Variants in ZDHHC14 observed in about 807,000 individuals in gnomAD.
The protein encoded by ZDHHC14 is palmitoyltransferase ZDHHC14.
A neutral mutation model predicts 47.7 loss-of-function variants in ZDHHC14; 16 were observed. That is an observed-to-expected ratio of 0.34 (90% CI 0.23 to 0.51). The LOEUF (loss-of-function observed/expected upper bound fraction) is 0.51, where lower values mean the gene tolerates loss of function less well. Among genes scored for constraint, ZDHHC14 ranks in the 20% least tolerant of loss-of-function variants. The pLI is 0.97. For missense variants in ZDHHC14, 515 were observed against 662.5 expected (o/e 0.78, Z 2.44); for synonymous variants, 293 against 278.9 (o/e 1.05, Z -0.50).
intron 1 of ZDHHC14, among the ~76,000 whole-genome samples, chr6:157,429,902 A>G (rs912902181): frequency 1.3e-5 from 2 of 152,152 alleles, no homozygotes; most frequent in Non-Finnish European, 2.9e-5. Context: ...ATGATAGAGA[A>G]TCTTCAGGAG....
At chr6:157,489,311 T>C (rs1048309917) in intron 1 of ZDHHC14, among the ~76,000 whole-genome samples, 1 of 152,222 alleles carries the variant, frequency 6.6e-6, no homozygotes, top group African/African-American at 2.4e-5. Context: ...CGCAATCACT[T>C]CCTTCGTAAA....
In ZDHHC14 at chr6:157,589,711, A is replaced by T. The variant is rs180772449; in HGVS notation, c.407-3277A>T. Among the ~76,000 whole-genome samples, 745 of 152,276 alleles carry T rather than the reference A, an allele frequency of 4.9e-3. 4 individuals are homozygous for T. The highest frequency in any genetic ancestry group is 0.017 in the African/African-American group (696 of 41,558). On this transcript the variant is annotated intron_variant, in intron 2 of 8. Coordinates refer to ENST00000359775, the MANE Select transcript of ZDHHC14 (RefSeq NM_024630.3). ...TCCTTTATAAATTACCCAGTCTCAG[A>T]TATGTCCTTATAGTAGCATGAAAAT...
intron 3 of ZDHHC14, among the ~76,000 whole-genome samples, chr6:157,604,456 A>G (rs1435577767): frequency 9.2e-5 from 14 of 152,144 alleles, no homozygotes; most frequent in Admixed American, 9.2e-4. Context: ...CGGAGGGATG[A>G]CTGTGTTTAC....
intron 1 of ZDHHC14, among the ~76,000 whole-genome samples, chr6:157,413,446 C>T (rs1777910408): frequency 6.6e-6 from 1 of 152,168 alleles, no homozygotes; most frequent in African/African-American, 2.4e-5. Context: ...ACTGGTAAGA[C>T]GTCACTGCCT....
intron 1 of ZDHHC14, among the ~76,000 whole-genome samples, chr6:157,497,290 C>G (rs748058945): frequency 4.6e-5 from 7 of 152,078 alleles, no homozygotes; most frequent in Non-Finnish European, 8.8e-5. Context: ...AAAGGTGGAG[C>G]TTTGAGGGGC....
chr6:157,412,218 C>T (rs568540112), intron 1 of ZDHHC14, among the ~76,000 whole-genome samples: 32 of 150,928 alleles, frequency 2.1e-4, no homozygotes, highest in Admixed American at 1.3e-3. Flanking sequence ...GGATTACAGA[C>T]GTGAGCCACT....
chr6:157,570,594 G>A (rs554091970), intron 2 of ZDHHC14, among the ~76,000 whole-genome samples: 2 of 152,122 alleles, frequency 1.3e-5, no homozygotes, highest in African/African-American at 4.8e-5. Flanking sequence ...CATCCATGTG[G>A]AAAAAAATAG....
intron 1 of ZDHHC14, among the ~76,000 whole-genome samples, chr6:157,416,345 T>G (rs1261122290): frequency 6.6e-6 from 1 of 152,106 alleles, no homozygotes; most frequent in Non-Finnish European, 1.5e-5. Context: ...TTTGAACATT[T>G]TGAAAGTATT....
chr6:157,535,784 T>C (rs904928766), intron 1 of ZDHHC14, among the ~76,000 whole-genome samples: 1 of 152,078 alleles, frequency 6.6e-6, no homozygotes, highest in Non-Finnish European at 1.5e-5. Flanking sequence ...TATTCTGGAG[T>C]TGTGAGTGGA....
At chr6:157,447,048 C>T (rs1027755299) in intron 1 of ZDHHC14, among the ~76,000 whole-genome samples, 1 of 151,400 alleles carries the variant, frequency 6.6e-6, no homozygotes, top group African/African-American at 2.4e-5. Flanking sequence ...GAACCCGGGA[C>T]GTGGAGGTTG....
At chr6:157,588,008 A>AC (rs1188978467) in intron 2 of ZDHHC14, among the ~76,000 whole-genome samples, 2 of 152,134 alleles carry the variant, frequency 1.3e-5, no homozygotes, top group Admixed American at 1.3e-4. Context: ...TGATCCCAGC[A>AC]CTTTAGGAGG....
chr6:157,507,180 C>T (rs144683681), intron 1 of ZDHHC14, among the ~76,000 whole-genome samples: 296 of 152,184 alleles, frequency 1.9e-3, no homozygotes, highest in African/African-American at 7.0e-3. Context: ...TTTATTAAAT[C>T]CATATCCAGA....
intron 3 of ZDHHC14, among the ~76,000 whole-genome samples, chr6:157,608,393 G>A (rs570616360): frequency 6.6e-6 from 1 of 151,874 alleles, no homozygotes; most frequent in Non-Finnish European, 1.5e-5. Flanking sequence ...GGCACCGGTG[G>A]TACAGGGAGG....
intron 1 of ZDHHC14, among the ~76,000 whole-genome samples, chr6:157,495,805 A>G (rs1236545098): frequency 1.3e-5 from 2 of 148,974 alleles, no homozygotes; most frequent in Non-Finnish European, 3.0e-5. Flanking sequence ...CCCGGCTTCA[A>G]GCAATCCTCC....
intron 1 of ZDHHC14, among the ~76,000 whole-genome samples, chr6:157,486,043 GTAT>G (rs1779771961): frequency 6.6e-6 from 1 of 152,158 alleles, no homozygotes; most frequent in African/African-American, 2.4e-5. Context: ...TCTAAAGCTG[GTAT>G]CCTTGTTTTT....
chr6:157,411,917 A>C (rs955506216), intron 1 of ZDHHC14, among the ~76,000 whole-genome samples: 1 of 151,328 alleles, frequency 6.6e-6, no homozygotes, highest in Admixed American at 6.6e-5. Context: ...GGAGAGATAT[A>C]TACATATATA....
At chr6:157,522,947 TTCCTTCC>T (rs1482480580) in intron 1 of ZDHHC14, among the ~76,000 whole-genome samples, 18 of 56,550 alleles carry the variant, frequency 3.2e-4, no homozygotes, top group African/African-American at 1.9e-3. Context: ...CTTTCTTTCC[TTCCTTCC>T]TTCCTTCTTT....
intron 1 of ZDHHC14, among the ~76,000 whole-genome samples, chr6:157,471,050 C>T (rs549313541): frequency 2.6e-4 from 40 of 152,284 alleles, no homozygotes; most frequent in Non-Finnish European, 5.6e-4. Context: ...GACCTGAGGA[C>T]CCGGGTTATG....
chr6:157,519,865 T>C (rs942246036), intron 1 of ZDHHC14, among the ~76,000 whole-genome samples: 4 of 152,114 alleles, frequency 2.6e-5, no homozygotes, highest in Admixed American at 1.3e-4. Flanking sequence ...CCCAAGGAAG[T>C]CAAAGGGTCC....
Sources: gnomAD v4.1 joint callset for allele counts (sites outside exome capture counted in the v4.1 genomes callset) on GRCh38, gnomAD v4.1.1 for gene constraint, MANE v1.5 for transcripts, NCBI Gene and HGNC (gene_info 2026-07-23, HGNC 2026-07-21) for gene names.